Variants in PRKRA observed in about 807,000 individuals in gnomAD.
PRKRA encodes the protein protein activator of interferon induced protein kinase EIF2AK2, also known as interferon-inducible double-stranded RNA-dependent protein kinase activator A.
Under a neutral mutation model 32.4 loss-of-function variants are expected in PRKRA, and 22 were observed. The observed-to-expected ratio is 0.68, with a 90% CI of 0.49 to 0.97. The LOEUF is 0.97. PRKRA is among the 50% of genes least tolerant of loss of function. The pLI is 0.00. For missense variants in PRKRA, 319 were observed against 375.6 expected, an observed-to-expected ratio of 0.85 and a Z score of 1.25; for synonymous variants, 139 against 129.8, an observed-to-expected ratio of 1.07 and a Z score of -0.48.
rs1252639562 is a variant in PRKRA, at chr2:178,450,283, G to A, written c.194C>T (p.Thr65Ile). The A allele has an allele frequency of 1.2e-6, 2 of 1,614,290 alleles. No homozygotes were observed. Among genetic ancestry groups the A allele is most frequent in the Non-Finnish European group, 1.7e-6 (2 of 1,180,046 alleles). Residue 65 changes from threonine to isoleucine, a missense_variant, in exon 2 of 8, where the codon ACT becomes ATT. By Grantham distance (89) the Thr-to-Ile change is moderately conservative (BLOSUM62 -1). Coordinates refer to ENST00000325748, the MANE Select transcript of PRKRA (RefSeq NM_003690.5). Reference sequence around the variant, plus strand: ...ACCAACGGTTACTCTGAAGGTGAAAGTGGGCACGTGTATTTGCACATCAGA... The same window carrying A: ...ACCAACGGTTACTCTGAAGGTGAAAATGGGCACGTGTATTTGCACATCAGA... ...ERSDVQIHVP[T>I]FTFRVTVGDI... is the part of the protein sequence containing the mutation.
At chr2:178,448,436 A>G (rs1575100032) in intron 2 of PRKRA, among the ~76,000 whole-genome samples, 1 of 152,312 alleles carries the variant, frequency 6.6e-6, no homozygotes, top group African/African-American at 2.4e-5. Flanking sequence ...TCAAGAGCCA[A>G]CAGAGTAGTG....
intron 2 of PRKRA, among the ~76,000 whole-genome samples, chr2:178,449,426 G>C (rs1697452662): frequency 6.6e-6 from 1 of 152,170 alleles, no homozygotes; most frequent in Non-Finnish European, 1.5e-5. Flanking sequence ...TAGAACTTGA[G>C]CCTTCCTACT....
rs1559355973 is a variant in PRKRA at position 178,442,198 on chromosome 2, A to G, written c.515-494T>C. On this transcript the variant is annotated intron_variant, in intron 5 of 7. Coordinates refer to ENST00000325748, the MANE Select transcript of PRKRA (RefSeq NM_003690.5). ...CTGTGCCAGGCCTGTATAGTTACTA[A>G]TTCTTACACTTTTGAAGACATTTGT... is the stretch of plus-strand genomic sequence containing the variant. Among the ~76,000 whole-genome samples the G allele has an allele frequency of 3.3e-5, 5 of 152,140 alleles. No individual in the cohort carries two copies. In the South Asian group the frequency reaches 1.0e-3, roughly 32 times the overall value.
chr2:178,435,616 G>A (rs1030759867), intron 7 of PRKRA, among the ~76,000 whole-genome samples: 28 of 152,182 alleles, frequency 1.8e-4, no homozygotes, highest in African/African-American at 6.8e-4. Flanking sequence ...TGACAAAGTA[G>A]AGAGAAAAGG....
At chr2:178,450,721 G>T in intron 1 of PRKRA, 1 of 1,377,756 alleles carries the variant, frequency 7.3e-7, no homozygotes, top group Non-Finnish European at 9.3e-7. Context: ...ATCCCTTCCC[G>T]GGCGCGCCGA....
At chr2:178,435,300 T>C (rs557523034) in intron 7 of PRKRA, among the ~76,000 whole-genome samples, 35 of 149,930 alleles carry the variant, frequency 2.3e-4, no homozygotes, top group Non-Finnish European at 3.0e-4. Flanking sequence ...GGAGGATCGC[T>C]TGAACCCAGG....
At chr2:178,440,332 T>C (rs967024353) in intron 6 of PRKRA, 13 of 152,212 alleles carry the variant, frequency 8.5e-5, no homozygotes, top group Admixed American at 8.5e-4. Flanking sequence ...CAGTTGTACT[T>C]TTTTATTTCC....
intron 1 of PRKRA, 101 bp from the exon 2 acceptor site, chr2:178,450,512 C>A (rs1450922271): frequency 1.4e-6 from 2 of 1,418,188 alleles, no homozygotes; most frequent in African/African-American, 1.5e-5. Flanking sequence ...ACGAGGGAGG[C>A]GCCGAGTTCC....
At chr2:178,439,403 C>T (rs987919259) in intron 6 of PRKRA, 4 of 152,112 alleles carry the variant, frequency 2.6e-5, no homozygotes, top group African/African-American at 9.7e-5. Flanking sequence ...TTTAATTATT[C>T]TGGTTGTTAC....
Position 178,441,639 on chromosome 2 carries a change from T to C in PRKRA, c.580A>G (p.Asn194Asp). 1 of 1,608,606 alleles carries C rather than the reference T, an allele frequency of 6.2e-7. No individual in the cohort carries two copies. Among genetic ancestry groups the C allele is most frequent in the Non-Finnish European group, 8.5e-7 (1 of 1,175,104 alleles). Reference sequence around the variant, plus strand: ...GAAATGTGGTTCTCTGGAGAAATATTACTAAATTTGGCAAGAAATTTCTCA... The same window carrying C: ...GAAATGTGGTTCTCTGGAGAAATATCACTAAATTTGGCAAGAAATTTCTCA... Reference protein sequence around the residue: ...AAEKFLAKFSNISPENHISLT... With the variant: ...AAEKFLAKFSDISPENHISLT... The change falls in exon 6 of 8, where the codon AAT (asparagine) becomes GAT (aspartate). Residue 194 changes from asparagine to aspartate, a missense_variant. Coordinates refer to ENST00000325748, the MANE Select transcript of PRKRA (RefSeq NM_003690.5).
Position 178,444,444 on chromosome 2 carries a change from A to T in PRKRA, c.374T>A (p.Leu125His). Residue 125 changes from leucine to histidine, a missense_variant, in exon 4 of 8, where the codon CTT (leucine) becomes CAT (histidine). Leu to His is a moderately conservative substitution (Grantham distance 99). Transcript: ENST00000325748. ...TACCTGTAATGAACCAATAGGATTAAGCTGGTTCTTTGGTTGCTTGGAAGG... is the reference window on the plus strand; with the variant it reads ...TACCTGTAATGAACCAATAGGATTATGCTGGTTCTTTGGTTGCTTGGAAGG... ...PDPSKQPKNQ[L>H]NPIGSLQELA... 1 of 1,602,886 alleles carries T rather than the reference A, an allele frequency of 6.2e-7. No homozygotes were observed. The highest frequency in any genetic ancestry group is 8.5e-7 in the Non-Finnish European group (1 of 1,169,964).
chr2:178,447,801 T>G (rs1420491678), intron 2 of PRKRA, among the ~76,000 whole-genome samples: 1 of 152,172 alleles, frequency 6.6e-6, no homozygotes, highest in Non-Finnish European at 1.5e-5. Context: ...GTGAAAAAAT[T>G]TTAAAAAATA....
Position 178,436,863 on chromosome 2 carries a change from T to C in PRKRA, c.610-544A>G, listed in dbSNP as rs532118054. Among the ~76,000 whole-genome samples, 31 of 152,316 alleles carry C rather than the reference T, an allele frequency of 2.0e-4. 1 individual carries two copies. The highest frequency in any genetic ancestry group is 3.5e-4 in the Non-Finnish European group (24 of 67,982). On this transcript the variant is annotated intron_variant, in intron 6 of 7. Coordinates refer to ENST00000325748, the MANE Select transcript of PRKRA (RefSeq NM_003690.5). ...ATGACAGGATGTCAAAAAGTTCTTATCAGACTTCTATCCCAGAACCCAACT... is the reference window on the plus strand; with the variant it reads ...ATGACAGGATGTCAAAAAGTTCTTACCAGACTTCTATCCCAGAACCCAACT...
chr2:178,450,802 C>T, intron 1 of PRKRA, 164 bp downstream of exon 1: 2 of 1,346,768 alleles, frequency 1.5e-6, no homozygotes, highest in Non-Finnish European at 9.5e-7. Context: ...GCCGCAGACC[C>T]CAACCCTCGC....
At chr2:178,442,432 C>A (rs1379295253) in intron 5 of PRKRA, among the ~76,000 whole-genome samples, 1 of 152,078 alleles carries the variant, frequency 6.6e-6, no homozygotes, top group Non-Finnish European at 1.5e-5. Flanking sequence ...TTCCTTTTAA[C>A]AGGAATAAGA....
Position 178,451,170 on chromosome 2 carries a change from C to T in PRKRA, c.-140G>A. ...CCGCCTCCTGCTTGCGTTGCTCCAG[C>T]GAGGGGGCAGGCAGGGTGGGGGCGG... On this transcript the variant is annotated 5_prime_UTR_variant, in exon 1 of 8. Coordinates refer to ENST00000325748, the MANE Select transcript of PRKRA (RefSeq NM_003690.5). 2 of 982,270 alleles carry T rather than the reference C, an allele frequency of 2.0e-6. No homozygotes were observed. The highest frequency in any genetic ancestry group is 2.8e-5 in the East Asian group (1 of 35,262). The allele number at this position is 982,270 out of a possible 1,614,324, so 60.8% of individuals were successfully genotyped here. A position where few individuals can be genotyped will look rare whatever the true frequency, so the allele number is the denominator to read the frequency against.
chr2:178,437,922 C>CA (rs1264079991), intron 6 of PRKRA, among the ~76,000 whole-genome samples: 1 of 152,126 alleles, frequency 6.6e-6, no homozygotes, highest in Non-Finnish European at 1.5e-5. Context: ...GCTTAACTCT[C>CA]AAACTCTTGG....
At chr2:178,444,878 G>A (rs1697257527) in intron 3 of PRKRA, among the ~76,000 whole-genome samples, 1 of 152,124 alleles carries the variant, frequency 6.6e-6, no homozygotes. Context: ...TTGAGGTAGG[G>A]CCTATGTATC....
At chr2:178,446,865 C>T (rs1316226387) in intron 3 of PRKRA, among the ~76,000 whole-genome samples, 6 of 150,838 alleles carry the variant, frequency 4.0e-5, no homozygotes, top group East Asian at 3.9e-4. Flanking sequence ...TAGTGGCGGG[C>T]GCCTGTAGTC....
Sources: gnomAD v4.1 joint callset for allele counts (sites outside exome capture counted in the v4.1 genomes callset) on GRCh38, gnomAD v4.1.1 for gene constraint, MANE v1.5 for transcripts, NCBI Gene and HGNC (gene_info 2026-07-23, HGNC 2026-07-21) for gene names.